Variants in ZNF143 observed in about 807,000 individuals in gnomAD.
ZNF143 encodes the protein zinc finger protein 143.
ZNF143 carries 49 observed loss-of-function variants against 74.1 expected under a neutral mutation model. That is an observed-to-expected ratio of 0.66 (90% CI 0.53 to 0.84). The LOEUF (loss-of-function observed/expected upper bound fraction) is 0.84. Among genes scored for constraint, ZNF143 ranks in the 40% least tolerant of loss-of-function variants. The probability of loss-of-function intolerance (pLI) is 0.00; values close to 1 mark genes in which losing one functional copy is unlikely to be tolerated. For synonymous variants in ZNF143, 304 were observed against 282.8 expected, an observed-to-expected ratio of 1.07 and a Z score of -0.75; for missense variants, 637 against 793.4, an observed-to-expected ratio of 0.80 and a Z score of 2.37.
intron 5 of ZNF143, 131 bp from the exon 6 acceptor site, chr11:9,478,259 C>T: frequency 2.4e-6 from 2 of 818,266 alleles, no homozygotes. Context: ...AATGAAATAA[C>T]ACATATCAAG....
At chr11:9,525,431 C>A in intron 15 of ZNF143, 45 bp downstream of exon 15, 2 of 1,612,028 alleles carry the variant, frequency 1.2e-6, no homozygotes, top group South Asian at 2.2e-5. Flanking sequence ...CAGTGCTGCT[C>A]ATAGCTTTCA....
chr11:9,512,686 A>C (rs1034897805), intron 13 of ZNF143, 90 bp downstream of exon 13: 5 of 1,533,126 alleles, frequency 3.3e-6, no homozygotes, highest in Non-Finnish European at 4.4e-6. Flanking sequence ...GAAAGCTTTG[A>C]AATATCAGGG....
At chr11:9,522,456 G>A (rs1848968519) in intron 14 of ZNF143, among the ~76,000 whole-genome samples, 1 of 152,084 alleles carries the variant, frequency 6.6e-6, no homozygotes. Flanking sequence ...TATTAACTAG[G>A]TGTTGTCTTA....
chr11:9,488,383 T>A (rs1847643274), intron 7 of ZNF143, among the ~76,000 whole-genome samples: 1 of 152,242 alleles, frequency 6.6e-6, no homozygotes, highest in Admixed American at 6.5e-5. Flanking sequence ...TATTTATTGC[T>A]TTTCACAAAC....
intron 7 of ZNF143, among the ~76,000 whole-genome samples, chr11:9,480,186 A>G (rs1398038398): frequency 6.6e-6 from 1 of 152,216 alleles, no homozygotes; most frequent in Non-Finnish European, 1.5e-5. Context: ...TTTTGTAGTA[A>G]GTACAAAGTA....
At chr11:9,482,959 G>T (rs1847307383) in intron 7 of ZNF143, among the ~76,000 whole-genome samples, 1 of 150,670 alleles carries the variant, frequency 6.6e-6, no homozygotes, top group South Asian at 2.1e-4. Flanking sequence ...TTTTTCAATT[G>T]GTTACTAGAG....
At chr11:9,489,365 C>T (rs1847683029) in intron 7 of ZNF143, among the ~76,000 whole-genome samples, 1 of 152,108 alleles carries the variant, frequency 6.6e-6, no homozygotes, top group South Asian at 2.1e-4. Context: ...CATTCAGAGA[C>T]CTCAGTAGTT....
intron 7 of ZNF143, among the ~76,000 whole-genome samples, chr11:9,483,288 C>CATTT (rs1847322096): frequency 2.0e-5 from 1 of 50,200 alleles, no homozygotes; most frequent in South Asian, 7.5e-4. Flanking sequence ...GCCAACATGC[C>CATTT]TTTTTTTTTT....
At chr11:9,525,468 ACC>A in intron 15 of ZNF143, 82 bp downstream of exon 15, 1 of 1,559,758 alleles carries the variant, frequency 6.4e-7, no homozygotes, top group Non-Finnish European at 8.8e-7. Flanking sequence ...TTCGTGTATA[ACC>A]TTTACAGGAG....
intron 7 of ZNF143, among the ~76,000 whole-genome samples, chr11:9,483,288 C>CTTTTTTTTTTTTTTT (rs58704619): frequency 2.0e-5 from 1 of 50,200 alleles, no homozygotes; most frequent in Non-Finnish European, 3.6e-5. Flanking sequence ...GCCAACATGC[C>CTTTTTTTTTTTTTTT]TTTTTTTTTT....
At chr11:9,479,266 A>T (rs755212203) in intron 6 of ZNF143, among the ~76,000 whole-genome samples, 1 of 152,102 alleles carries the variant, frequency 6.6e-6, no homozygotes, top group East Asian at 1.9e-4. Flanking sequence ...CAGCCTCCCA[A>T]AGTGCTAGGA....
chr11:9,498,735 G>A (rs1202895855), intron 10 of ZNF143, among the ~76,000 whole-genome samples: 1 of 152,180 alleles, frequency 6.6e-6, no homozygotes, highest in African/African-American at 2.4e-5. Context: ...AAATAATACA[G>A]CATTAAGATA....
chr11:9,476,983 C>T (rs1261300657), intron 5 of ZNF143, among the ~76,000 whole-genome samples: 2 of 150,444 alleles, frequency 1.3e-5, no homozygotes, highest in Admixed American at 1.3e-4. Flanking sequence ...AGGATGGTCT[C>T]GGTCTCCTGA....
At chr11:9,488,010 A>G (rs1460165795) in intron 7 of ZNF143, among the ~76,000 whole-genome samples, 1 of 152,112 alleles carries the variant, frequency 6.6e-6, no homozygotes, top group Admixed American at 6.6e-5. Context: ...CTGCATATTT[A>G]TGATTATACA....
At chr11:9,490,614 C>T (rs764564074) in intron 7 of ZNF143, among the ~76,000 whole-genome samples, 5 of 151,612 alleles carry the variant, frequency 3.3e-5, no homozygotes, top group Non-Finnish European at 4.4e-5. Context: ...CTATGGTATC[C>T]AGACTCCTCC....
chr11:9,466,995 G>A (rs1389107987), intron 1 of ZNF143, among the ~76,000 whole-genome samples: 1 of 151,648 alleles, frequency 6.6e-6, no homozygotes, highest in Non-Finnish European at 1.5e-5. Context: ...CCGGGTTCAC[G>A]CCATTCTCCT....
chr11:9,488,893 G>GA (rs939748694), intron 7 of ZNF143, among the ~76,000 whole-genome samples: 31 of 146,340 alleles, frequency 2.1e-4, no homozygotes, highest in South Asian at 6.4e-4. Context: ...GTTCCAAATA[G>GA]AAAAAAAAAA....
At chr11:9,503,171 T>C (rs939677931) in intron 11 of ZNF143, among the ~76,000 whole-genome samples, 35 of 152,238 alleles carry the variant, frequency 2.3e-4, no homozygotes, top group Non-Finnish European at 4.8e-4. Context: ...GTAGCAACTT[T>C]TAAATTCTTT....
At chr11:9,516,611 A>T (rs78172861) in intron 14 of ZNF143, among the ~76,000 whole-genome samples, 9,965 of 152,202 alleles carry the variant, frequency 0.065, 456 homozygotes, top group Middle Eastern at 0.13. Flanking sequence ...CAGCCCACAT[A>T]TATATTAAGT....
Sources: allele counts gnomAD v4.1 joint callset (sites outside exome capture counted in the v4.1 genomes callset), GRCh38; gene constraint gnomAD v4.1.1; transcripts MANE v1.5; gene names NCBI Gene and HGNC (gene_info 2026-07-23, HGNC 2026-07-21).